The following FGFR1 variants were observed in gnomAD, a reference collection of about 807,000 sequenced individuals.
The protein encoded by FGFR1 is FGFR1/PLAG1 fusion.
In FGFR1, 18 loss-of-function variants were observed where a neutral mutation model predicts 93.7. The ratio of observed to expected loss-of-function variants is 0.19; its 90% CI spans 0.13 to 0.28. The LOEUF is 0.28. Ranked by LOEUF, FGFR1 falls within the 10% of genes least tolerant of loss-of-function variation. FGFR1 has a pLI of 1.00. For synonymous variants in FGFR1, 448 were observed against 429.3 expected (o/e 1.04, Z -0.54); for missense variants, 731 against 1,080.4 (o/e 0.68, Z 4.53).
At chr8:38,455,184 C>G (rs1312019503) in intron 2 of FGFR1, among the ~76,000 whole-genome samples, 4 of 152,116 alleles carry the variant, frequency 2.6e-5, no homozygotes, top group Admixed American at 1.3e-4. Flanking sequence ...TCATGTTGCC[C>G]AGGCTGGTCT....
At chr8:38,451,433 G>A (rs938348019) in intron 2 of FGFR1, among the ~76,000 whole-genome samples, 1 of 152,102 alleles carries the variant, frequency 6.6e-6, no homozygotes, top group Non-Finnish European at 1.5e-5. Context: ...TTGGGCCAAA[G>A]GCAGCTGGAG....
intron 2 of FGFR1, chr8:38,440,169 G>A (rs890539711): frequency 1.4e-6 from 1 of 711,144 alleles, no homozygotes; most frequent in African/African-American, 1.8e-5. Context: ...GGGGGCAATT[G>A]TGGGTGGGGG....
chr8:38,452,215 A>G (rs1200418633), intron 2 of FGFR1, among the ~76,000 whole-genome samples: 1 of 143,606 alleles, frequency 7.0e-6, no homozygotes, highest in African/African-American at 2.6e-5. Flanking sequence ...ACACACACAC[A>G]CACACACACA....
chr8:38,446,146 T>C (rs1350840602), intron 2 of FGFR1, among the ~76,000 whole-genome samples: 1 of 151,416 alleles, frequency 6.6e-6, no homozygotes, highest in Non-Finnish European at 1.5e-5. Flanking sequence ...ATCACTTCCC[T>C]GTTCACATCC....
intron 2 of FGFR1, among the ~76,000 whole-genome samples, chr8:38,439,174 G>C (rs937030943): frequency 1.3e-5 from 2 of 152,184 alleles, no homozygotes. Context: ...TCACAAAACA[G>C]GGACAAGCTC....
intron 7 of FGFR1, chr8:38,423,312 GTTTTTT>G (rs58594253): frequency 2.1e-4 from 75 of 361,104 alleles, no homozygotes; most frequent in East Asian, 6.2e-4. Context: ...TTCCCTTTTA[GTTTTTT>G]TTTTTTTTTT....
intron 1 of FGFR1, chr8:38,465,576 G>A (rs1835313760): frequency 1.8e-5 from 4 of 227,356 alleles, no homozygotes; most frequent in Admixed American, 1.1e-4. Flanking sequence ...ACCCACTGGG[G>A]GTAGGATATG....
intron 1 of FGFR1, among the ~76,000 whole-genome samples, chr8:38,457,880 G>C (rs547995736): frequency 6.6e-6 from 1 of 152,164 alleles, no homozygotes; most frequent in Non-Finnish European, 1.5e-5. Flanking sequence ...TTACTTCGGA[G>C]GCTAAGGCAA....
chr8:38,465,126 T>A (rs1835223469), intron 1 of FGFR1, among the ~76,000 whole-genome samples: 1 of 152,190 alleles, frequency 6.6e-6, no homozygotes. Flanking sequence ...TATCTAATCC[T>A]CTGCCCCTAG....
At chr8:38,464,114 A>T (rs1834997842) in intron 1 of FGFR1, among the ~76,000 whole-genome samples, 1 of 152,148 alleles carries the variant, frequency 6.6e-6, no homozygotes, top group South Asian at 2.1e-4. Flanking sequence ...CAGGAGTTCA[A>T]GCCCAGCCTG....
Position 38,417,298 on chromosome 8 carries a change from G to A in FGFR1, c.1663+8C>T, listed in dbSNP as rs767772584. 1 of 1,608,748 alleles carries A rather than the reference G, an allele frequency of 6.2e-7. No individual in the cohort carries two copies. Among genetic ancestry groups the A allele is most frequent in the South Asian group, 1.1e-5 (1 of 91,018 alleles). ...TGGGCAGGGAAAGCCAGTCTGGCCGGCACCCACCATCCTGCGTGCAGGCCC... is the reference window on the plus strand; with the variant it reads ...TGGGCAGGGAAAGCCAGTCTGGCCGACACCCACCATCCTGCGTGCAGGCCC... On this transcript the variant is annotated splice_region_variant and intron_variant, in intron 12 of 17. Transcript: ENST00000447712.
chr8:38,446,916 C>T (rs960091645), intron 2 of FGFR1, among the ~76,000 whole-genome samples: 1 of 152,124 alleles, frequency 6.6e-6, no homozygotes, highest in African/African-American at 2.4e-5. Context: ...GGTGTCGGAT[C>T]TGACACCTTG....
At chr8:38,436,632 C>T (rs951393135) in intron 2 of FGFR1, among the ~76,000 whole-genome samples, 12 of 152,076 alleles carry the variant, frequency 7.9e-5, no homozygotes, top group Admixed American at 2.6e-4. Flanking sequence ...ATACATCAAA[C>T]CTACCCTGCT....
intron 2 of FGFR1, among the ~76,000 whole-genome samples, chr8:38,435,879 A>G (rs1211217335): frequency 1.3e-5 from 2 of 152,252 alleles, no homozygotes; most frequent in African/African-American, 4.8e-5. Flanking sequence ...GGAATCAGAT[A>G]CAAAGGTTGT....
rs1201320473 is a variant in FGFR1, at chr8:38,424,476, A to G, written c.936+33T>C. On this transcript the variant is annotated intron_variant, in intron 7 of 17. Transcript: ENST00000447712. The surrounding 1 kb of genome is among the most constrained non-coding windows in gnomAD (Gnocchi z 4.3). ...CCGAGACAGTGGTCTCCTTCCCAGT[A>G]GACTGGCCCACGAAGACTGGTGCCA... 5.0e-6 allele frequency: 8 copies of G among 1,613,364 alleles called. No homozygotes were observed. Among genetic ancestry groups the G allele is most frequent in the African/African-American group, 1.3e-5 (1 of 74,890 alleles).
intron 1 of FGFR1, chr8:38,466,501 T>A (rs1835535641): frequency 4.3e-6 from 1 of 230,974 alleles, no homozygotes; most frequent in African/African-American, 2.2e-5. Context: ...GATGCCTCTT[T>A]ACTGCGCAAT....
At chr8:38,446,205 CTTT>C (rs773129271) in intron 2 of FGFR1, among the ~76,000 whole-genome samples, 2 of 127,762 alleles carry the variant, frequency 1.6e-5, no homozygotes, top group Admixed American at 8.5e-5. Context: ...CCTCTCCCAC[CTTT>C]TTTTTTTTTT....
At chr8:38,418,161 C>T (rs1273258634) in intron 10 of FGFR1, 67 bp downstream of exon 10, 2 of 1,611,556 alleles carry the variant, frequency 1.2e-6, no homozygotes, top group Non-Finnish European at 1.7e-6. Context: ...TTAGTATACA[C>T]ACCTTCCACC....
intron 4 of FGFR1, 94 bp downstream of exon 4, chr8:38,428,252 G>C: frequency 8.1e-6 from 12 of 1,477,924 alleles, no homozygotes; most frequent in Non-Finnish European, 1.1e-5. Flanking sequence ...GTGACCCCAT[G>C]TGCCCTCCTC....
Sources: gnomAD v4.1 joint callset for allele counts (sites outside exome capture counted in the v4.1 genomes callset) on GRCh38, gnomAD v4.1.1 for gene constraint, Gnocchi (gnomAD v3.1) non-coding constraint, MANE v1.5 for transcripts, NCBI Gene and HGNC (gene_info 2026-07-23, HGNC 2026-07-21) for gene names.